The following RTP2 variants were observed in gnomAD, a reference collection of about 807,000 sequenced individuals.
The protein encoded by RTP2 is receptor transporter protein 2.
A neutral mutation model predicts 17.9 loss-of-function variants in RTP2; 12 were observed. The ratio of observed to expected loss-of-function variants is 0.67; its 90% confidence interval spans 0.43 to 1.09. The LOEUF is 1.09. Ranked by LOEUF, RTP2 falls within the 50% of genes least tolerant of loss-of-function variation. The pLI, the probability that RTP2 is intolerant of heterozygous loss-of-function variation, is 0.00. For missense variants in RTP2, 327 were observed against 295.7 expected (o/e 1.11, Z -0.78); for synonymous variants, 126 against 117.7 (o/e 1.07, Z -0.46).
upstream of RTP2, among the ~76,000 whole-genome samples, chr3:187,704,748 A>G (rs1317649743): frequency 6.6e-6 from 1 of 152,128 alleles, no homozygotes; most frequent in African/African-American, 2.4e-5. Flanking sequence ...AGATATTAGG[A>G]AGGCCTCTCC....
the RTP2 span, among the ~76,000 whole-genome samples, chr3:187,708,996 A>G: frequency 1.4e-5 from 2 of 142,308 alleles, no homozygotes; most frequent in African/African-American, 2.6e-5. Context: ...TCTTCCCTGG[A>G]GTAGAACCTA....
chr3:187,714,548 A>G, the RTP2 span, among the ~76,000 whole-genome samples: 4 of 152,244 alleles, frequency 2.6e-5, no homozygotes, highest in African/African-American at 7.2e-5. Flanking sequence ...AGCCAGAAAA[A>G]GTGGCACCTA....
chr3:187,699,762 CACACACACACACACACACACAT>C (rs1553830578), intron 1 of RTP2, among the ~76,000 whole-genome samples: 9,400 of 69,096 alleles, frequency 0.14, 419 homozygotes, highest in African/African-American at 0.27. Context: ...CACACACACA[CACACACACACACACACACACAT>C]ATATTTTCTC....
At chr3:187,714,172 G>A in the RTP2 span, among the ~76,000 whole-genome samples, 1 of 152,132 alleles carries the variant, frequency 6.6e-6, no homozygotes, top group Admixed American at 6.6e-5. Flanking sequence ...GAGATGAAAG[G>A]CTTTTGTGAT....
chr3:187,710,206 C>T, the RTP2 span, among the ~76,000 whole-genome samples: 1 of 152,012 alleles, frequency 6.6e-6, no homozygotes, highest in African/African-American at 2.4e-5. Flanking sequence ...GATTCTCAGG[C>T]CTTGAGACTC....
chr3:187,712,402 A>G, the RTP2 span, among the ~76,000 whole-genome samples: 1 of 152,176 alleles, frequency 6.6e-6, no homozygotes, highest in East Asian at 1.9e-4. Context: ...ATGTTTTGTC[A>G]TAGCTGTTTT....
chr3:187,715,070 C>A, the RTP2 span, among the ~76,000 whole-genome samples: 2 of 152,156 alleles, frequency 1.3e-5, no homozygotes, highest in Admixed American at 1.3e-4. Context: ...TACAACCCTC[C>A]GCAAATGGCC....
the RTP2 span, among the ~76,000 whole-genome samples, chr3:187,708,479 T>G: frequency 6.6e-6 from 1 of 152,204 alleles, no homozygotes; most frequent in Non-Finnish European, 1.5e-5. Flanking sequence ...ATGGTTTCCA[T>G]GTCCAAGGGG....
At chr3:187,702,505 C>T (rs942253551) in exon 1 of RTP2, 8 of 465,664 alleles carry the variant, frequency 1.7e-5, no homozygotes, top group Non-Finnish European at 2.6e-5. Context: ...CTTCACCCAA[C>T]TGCTCTTCTA....
intron 1 of RTP2, 112 bp from the exon 2 acceptor site, chr3:187,699,123 A>G (rs1300449388): frequency 1.6e-6 from 2 of 1,266,760 alleles, no homozygotes. Context: ...AGATGGAGGC[A>G]GTGTTTACTG....
At chr3:187,699,846 G>A (rs59539152) in intron 1 of RTP2, among the ~76,000 whole-genome samples, 6,096 of 151,620 alleles carry the variant, frequency 0.04, 272 homozygotes, top group Admixed American at 0.11. Context: ...GCTTTCTAGA[G>A]TCCCAGTCTC....
At chr3:187,707,844 T>A in the RTP2 span, among the ~76,000 whole-genome samples, 77,219 of 152,048 alleles carry the variant, frequency 0.51, 22,735 homozygotes, top group East Asian at 0.75. Flanking sequence ...TGAATTCTAA[T>A]CTGCTTAGCT....
At chr3:187,702,051 G>T in exon 1 of RTP2, 1 of 1,613,744 alleles carries the variant, frequency 6.2e-7, no homozygotes, top group Non-Finnish European at 8.5e-7. Flanking sequence ...TGAGCTCCCA[G>T]CTGTCCGCTG....
At chr3:187,699,148 T>C (rs1028619265) in intron 1 of RTP2, 137 bp from the exon 2 acceptor site, 41 of 1,097,098 alleles carry the variant, frequency 3.7e-5, no homozygotes, top group African/African-American at 4.8e-5. Context: ...GTGGATTCAT[T>C]AGCACTCCAA....
Position 187,701,954 on chromosome 3 carries a change from G to T in RTP2, c.164+11C>A. 6.3e-7 allele frequency: 1 copy of T among 1,577,076 alleles called. No individual in the cohort carries two copies. The highest frequency in any genetic ancestry group is 8.6e-7 in the Non-Finnish European group (1 of 1,158,972). On this transcript the variant is annotated intron_variant, in intron 1 of 1. Transcript: ENST00000358241. ...GCTGTCTGCAAGGTCCCTCCCCACT[G>T]AACCTCTCACCTGCCTGAGGCGTGC...
chr3:187,712,899 G>A, the RTP2 span, among the ~76,000 whole-genome samples: 75,543 of 152,020 alleles, frequency 0.5, 22,425 homozygotes, highest in East Asian at 0.77. Context: ...TCAGAAGCTG[G>A]GGCTGAGGGA....
chr3:187,714,253 A>G, the RTP2 span, among the ~76,000 whole-genome samples: 1 of 152,222 alleles, frequency 6.6e-6, no homozygotes, highest in African/African-American at 2.4e-5. Flanking sequence ...CCACAGTTCT[A>G]CTAGGAATTG....
chr3:187,703,293 T>G (rs79846861), upstream of RTP2, among the ~76,000 whole-genome samples: 1,298 of 152,274 alleles, frequency 8.5e-3, 8 homozygotes, highest in Non-Finnish European at 0.013. Flanking sequence ...AGTAAAGAGC[T>G]TCAAGAAGTG....
chr3:187,701,865 C>A (rs1347805299), intron 1 of RTP2, 100 bp downstream of exon 1: 1 of 479,890 alleles, frequency 2.1e-6, no homozygotes, highest in Non-Finnish European at 2.9e-6. Flanking sequence ...GAGCTGACAC[C>A]AGAATAAGCC....
Sources: gnomAD v4.1 joint callset for allele counts (sites outside exome capture counted in the v4.1 genomes callset) on GRCh38, gnomAD v4.1.1 for gene constraint, MANE v1.5 for transcripts, NCBI Gene and HGNC (gene_info 2026-07-23, HGNC 2026-07-21) for gene names.